Variants in ACCSL observed in about 807,000 individuals in gnomAD.
The protein encoded by ACCSL is 1-aminocyclopropane-1-carboxylate synthase homolog (inactive) like, also known as probable inactive 1-aminocyclopropane-1-carboxylate synthase-like protein 2.
In ACCSL, 55 loss-of-function variants were observed where a neutral mutation model predicts 61.7. That is an observed-to-expected ratio of 0.89 (90% CI 0.72 to 1.12). The LOEUF is 1.12. Ranked by LOEUF, ACCSL falls within the 50% of genes most tolerant of loss-of-function variation. The pLI, the probability that ACCSL is intolerant of heterozygous loss-of-function variation, is 0.00. For missense variants in ACCSL, 632 were observed against 698.0 expected (o/e 0.91, Z 1.07); for synonymous variants, 258 against 264.3 (o/e 0.98, Z 0.23).
chr11:44,043,296 G>A (rs1274926296), upstream of ACCSL, among the ~76,000 whole-genome samples: 3 of 152,014 alleles, frequency 2.0e-5, no homozygotes, highest in Admixed American at 6.6e-5. Context: ...TTTCCTACAC[G>A]CCTCCCCTGG....
the ACCSL span, among the ~76,000 whole-genome samples, chr11:44,024,167 C>T: frequency 6.6e-6 from 1 of 152,150 alleles, no homozygotes. Context: ...GAACAAAAAG[C>T]AGAGGAAGGA....
chr11:43,989,804 G>A, the ACCSL span, among the ~76,000 whole-genome samples: 13 of 152,222 alleles, frequency 8.5e-5, no homozygotes, highest in Admixed American at 7.9e-4. Flanking sequence ...TACTGCAGGG[G>A]TTGGGGGTGG....
the ACCSL span, chr11:43,944,423 C>T: frequency 0.62 from 96,603 of 155,388 alleles, 30,293 homozygotes; most frequent in East Asian, 0.81. Flanking sequence ...CGCAGTTGAC[C>T]CAGCGCAGTG....
intron 13 of ACCSL, 103 bp downstream of exon 13, chr11:44,058,802 A>G: frequency 7.4e-7 from 1 of 1,359,730 alleles, no homozygotes; most frequent in African/African-American, 1.5e-5. Context: ...CTAGCCCTTT[A>G]TTCCCTGTTT....
the ACCSL span, among the ~76,000 whole-genome samples, chr11:44,001,942 G>A: frequency 7.5e-6 from 1 of 134,024 alleles, no homozygotes; most frequent in Admixed American, 8.0e-5. Flanking sequence ...TCACCCCGCT[G>A]CACCCTGGTG....
chr11:43,972,483 T>C, the ACCSL span, among the ~76,000 whole-genome samples: 1 of 152,198 alleles, frequency 6.6e-6, no homozygotes, highest in African/African-American at 2.4e-5. Context: ...TTGTTGGTGA[T>C]TCATGCTGAT....
chr11:43,990,900 G>T, the ACCSL span, among the ~76,000 whole-genome samples: 1 of 152,010 alleles, frequency 6.6e-6, no homozygotes, highest in Non-Finnish European at 1.5e-5. Context: ...GTAAAATCCT[G>T]CCTCTACTAA....
At chr11:43,931,414 C>T in the ACCSL span, among the ~76,000 whole-genome samples, 1 of 152,184 alleles carries the variant, frequency 6.6e-6, no homozygotes, top group Non-Finnish European at 1.5e-5. Context: ...AGACCCTTCC[C>T]AGGCCCAGCT....
chr11:43,959,740 AG>A, the ACCSL span, among the ~76,000 whole-genome samples: 1 of 152,126 alleles, frequency 6.6e-6, no homozygotes, highest in Non-Finnish European at 1.5e-5. Context: ...AGGGAGATTC[AG>A]GCAGGCAGGG....
the ACCSL span, among the ~76,000 whole-genome samples, chr11:44,042,122 G>T: frequency 6.6e-6 from 1 of 152,030 alleles, no homozygotes; most frequent in Non-Finnish European, 1.5e-5. Flanking sequence ...CTACTCATAG[G>T]TGAAATTCAT....
the ACCSL span, chr11:43,925,457 C>T: frequency 4.4e-6 from 2 of 456,182 alleles, no homozygotes; most frequent in Non-Finnish European, 8.8e-6. Context: ...GGCAAGGATC[C>T]CTGCTGCAGC....
the ACCSL span, among the ~76,000 whole-genome samples, chr11:43,968,525 AAAG>A: frequency 2.0e-5 from 3 of 152,164 alleles, no homozygotes; most frequent in African/African-American, 4.8e-5. Flanking sequence ...ACATCCAGGA[AAAG>A]AAGAAGATAT....
At chr11:43,964,471 C>A in the ACCSL span, among the ~76,000 whole-genome samples, 1 of 151,168 alleles carries the variant, frequency 6.6e-6, no homozygotes, top group African/African-American at 2.4e-5. Context: ...ATGTCTAGGG[C>A]CAGGTGGTTG....
the ACCSL span, chr11:43,933,009 G>C: frequency 2.2e-6 from 1 of 452,804 alleles, no homozygotes; most frequent in African/African-American, 2.0e-5. Flanking sequence ...TGTAGCTGGG[G>C]CTTGGTACTA....
At chr11:43,948,163 G>A in the ACCSL span, among the ~76,000 whole-genome samples, 1 of 152,176 alleles carries the variant, frequency 6.6e-6, no homozygotes, top group African/African-American at 2.4e-5. Flanking sequence ...CTTGGCTTTT[G>A]CAGCCCACTG....
At chr11:43,930,696 T>C in the ACCSL span, among the ~76,000 whole-genome samples, 4 of 152,184 alleles carry the variant, frequency 2.6e-5, no homozygotes, top group Non-Finnish European at 5.9e-5. Flanking sequence ...TACACATTAC[T>C]CAGTCTCAGG....
At chr11:44,046,785 G>T (rs904538132), upstream of ACCSL, among the ~76,000 whole-genome samples, 1 of 152,138 alleles carries the variant, frequency 6.6e-6, no homozygotes, top group African/African-American at 2.4e-5. Context: ...TGGGATATAA[G>T]GATTGTCTTA....
chr11:43,962,857 A>G, the ACCSL span, among the ~76,000 whole-genome samples: 1 of 152,228 alleles, frequency 6.6e-6, no homozygotes, highest in South Asian at 2.1e-4. Context: ...GTCACCAGAT[A>G]GCCCTCAAGG....
At chr11:43,944,045 G>C in the ACCSL span, 1 of 397,070 alleles carries the variant, frequency 2.5e-6, no homozygotes, top group South Asian at 2.1e-5. Flanking sequence ...CCGGTGCGCG[G>C]GTCGGTTGCC....
Sources: allele counts gnomAD v4.1 joint callset (sites outside exome capture counted in the v4.1 genomes callset), GRCh38; gene constraint gnomAD v4.1.1; transcripts MANE v1.5; gene names NCBI Gene and HGNC (gene_info 2026-07-23, HGNC 2026-07-21).